Variants in ATXN1 observed in about 807,000 individuals in gnomAD.
ATXN1 encodes the protein ataxin-1.
Under a neutral mutation model 56.4 loss-of-function variants are expected in ATXN1, and 8 were observed. That is an observed-to-expected ratio of 0.14 (90% CI 0.08 to 0.26). The LOEUF is 0.26. ATXN1 is among the 10% of genes least tolerant of loss of function. The pLI, the probability that ATXN1 is intolerant of heterozygous loss-of-function variation, is 1.00. For missense variants in ATXN1, 987 were observed against 1,106.5 expected (o/e 0.89, Z 1.53); for synonymous variants, 514 against 494.6 (o/e 1.04, Z -0.52).
Position 16,508,648 on chromosome 6 carries a change from C to T in ATXN1, c.-299+13979G>A, listed in dbSNP as rs143813141. ...AACTGTTGGTGAGGACATAGAGAAA[C>T]TGGAACCCTTGTGCACTGTTGGTAG... On this transcript the variant is annotated intron_variant, in intron 5 of 7. Transcript: ENST00000436367. 4.6e-5 allele frequency among the ~76,000 whole-genome samples: 7 copies of T among 152,284 alleles called. 1 individual carries two copies. In the East Asian group the frequency reaches 1.3e-3, roughly 29 times the overall value.
chr6:16,410,075 C>T lies in ATXN1; in HGVS notation c.-161+75897G>A, dbSNP rs1758766930. Among the ~76,000 whole-genome samples, 4 of 152,304 alleles carry T rather than the reference C, an allele frequency of 2.6e-5. No individual in the cohort carries two copies. Among genetic ancestry groups the T allele is most frequent in the Admixed American group, 2.0e-4 (3 of 15,298 alleles). ...GCATGGAGAGCATGAGCTGAACGAC[C>T]GTCGTGATAGGCTTGGCAGAGGATG... On this transcript the variant is annotated intron_variant, in intron 6 of 7. Transcript: ENST00000436367. This position sits in a 1 kb window ranked among gnomAD's most constrained non-coding sequence, Gnocchi z 4.6.
At chr6:16,324,982 G>A (rs1029961601) in intron 7 of ATXN1, among the ~76,000 whole-genome samples, 22 of 152,120 alleles carry the variant, frequency 1.4e-4, no homozygotes, top group African/African-American at 5.3e-4. Context: ...CTAGAGGCCT[G>A]ACTTTTATAT....
At chr6:16,712,715 C>CTTTTTTTT (rs36016138) in intron 2 of ATXN1, among the ~76,000 whole-genome samples, 3 of 145,382 alleles carry the variant, frequency 2.1e-5, no homozygotes, top group African/African-American at 5.0e-5. Flanking sequence ...TCCGTTTTTG[C>CTTTTTTTT]TTTTTTTTTT....
chr6:16,535,687 T>C (rs1461845957), intron 4 of ATXN1, among the ~76,000 whole-genome samples: 1 of 152,234 alleles, frequency 6.6e-6, no homozygotes, highest in Non-Finnish European at 1.5e-5. Flanking sequence ...CCCTTAAGTG[T>C]GGGCTGTGCA....
In ATXN1 at chr6:16,328,816, A is replaced by C. The variant is rs1157180073; in HGVS notation, c.-160-346T>G. Reference sequence around the variant, plus strand: ...CTGGCACACGGCTGTAGTCCCAGCTACTTGAGAGGCTGAGGCAGGAGAATT... The same window carrying C: ...CTGGCACACGGCTGTAGTCCCAGCTCCTTGAGAGGCTGAGGCAGGAGAATT... On this transcript the variant is annotated intron_variant, in intron 6 of 7. Coordinates refer to ENST00000436367, the MANE Select transcript of ATXN1 (RefSeq NM_001128164.2). The surrounding 1 kb of genome is among the most constrained non-coding windows in gnomAD (Gnocchi z 6.2). Among the ~76,000 whole-genome samples, 1 of 152,138 alleles carries C rather than the reference A, an allele frequency of 6.6e-6. No homozygotes were observed. Among genetic ancestry groups the C allele is most frequent in the Non-Finnish European group, 1.5e-5 (1 of 68,026 alleles).
intron 3 of ATXN1, among the ~76,000 whole-genome samples, chr6:16,634,114 C>T (rs1482779911): frequency 6.6e-6 from 1 of 152,152 alleles, no homozygotes. Context: ...GCTTGAAATG[C>T]CCTTTTGTCT....
rs2113409243 is a variant in ATXN1 at position 16,326,801 on chromosome 6, C to T, written c.1510G>A (p.Ala504Thr). The T allele has an allele frequency of 1.2e-6, 2 of 1,608,302 alleles. No individual in the cohort carries two copies. Among genetic ancestry groups the T allele is most frequent in the Non-Finnish European group, 1.7e-6 (2 of 1,176,216 alleles). ...GATGACGTGACTATGGCCGGGGCTG[C>T]CCCCGACGCTTCCATGTCAGTGCTG... ...VGSTDMEASG[A>T]APAIVTSSPQ... The change falls in exon 7 of 8, where the codon GCA (alanine) becomes ACA (threonine). Residue 504 changes from alanine (A) to threonine (T), a missense_variant. By Grantham distance (58) the Ala-to-Thr change is moderately conservative. Coordinates refer to ENST00000436367, the MANE Select transcript of ATXN1 (RefSeq NM_001128164.2). This position sits in a 1 kb window ranked among gnomAD's most constrained non-coding sequence, Gnocchi z 6.6.
Position 16,328,459 on chromosome 6 carries a change from C to A in ATXN1, c.-149G>T. 7.8e-7 allele frequency: 1 copy of A among 1,284,838 alleles called. No individual in the cohort carries two copies. The highest frequency in any genetic ancestry group is 9.9e-7 in the Non-Finnish European group (1 of 1,008,912). 79.6% of individuals were successfully genotyped at this position (1,284,838 alleles called of 1,614,324 possible). A position where few individuals can be genotyped will look rare whatever the true frequency, so the allele number is the denominator to read the frequency against. On this transcript the variant is annotated 5_prime_UTR_variant, in exon 7 of 8. Coordinates refer to ENST00000436367, the MANE Select transcript of ATXN1 (RefSeq NM_001128164.2). This position sits in a 1 kb window ranked among gnomAD's most constrained non-coding sequence, Gnocchi z 6.2. ...CCCCGTGGGTACAATCCGCCAACAG[C>A]AGCTCTGGATGCTGGGAAAGGGAAG...
At position 16,360,938 on chromosome 6, in the gene ATXN1, G is replaced by T. The variant is rs1401507681; in HGVS notation, c.-160-32468C>A. 2.6e-5 allele frequency among the ~76,000 whole-genome samples: 4 copies of T among 152,188 alleles called. No homozygotes were observed. The East Asian group carries it at 7.7e-4, about 29-fold the overall frequency. On this transcript the variant is annotated intron_variant, in intron 6 of 7. Transcript: ENST00000436367. ...ATTTGTAAGGAATAACACAAGGTAA[G>T]ACGCCTGAAACTAGCAAGTGAGAAA... is the stretch of plus-strand genomic sequence containing the variant.
intron 6 of ATXN1, among the ~76,000 whole-genome samples, chr6:16,464,424 G>T (rs766789313): frequency 6.6e-6 from 1 of 152,126 alleles, no homozygotes; most frequent in Non-Finnish European, 1.5e-5. Flanking sequence ...GGCCACCACA[G>T]CCAGCAGCAG....
chr6:16,372,606 C>T (rs1762062650), intron 6 of ATXN1, among the ~76,000 whole-genome samples: 1 of 152,154 alleles, frequency 6.6e-6, no homozygotes, highest in South Asian at 2.1e-4. Context: ...GTATTTATAG[C>T]TCAGACACTT....
chr6:16,327,408 G>C lies in ATXN1; in HGVS notation c.903C>G (p.Val301=). Residue 301 remains valine, a synonymous_variant, in exon 7 of 8, where the codon GTC becomes GTG. Coordinates refer to ENST00000436367, the MANE Select transcript of ATXN1 (RefSeq NM_001128164.2). ...CAGCTTTCTTGGTGGCCTCCCGAGG[G>C]ACAAAGTGGCTGCCGGAGTCGGCGT... ...MQYADSGSHF[V]PREATKKAES... 6.2e-7 allele frequency: 1 copy of C among 1,613,758 alleles called. No individual in the cohort carries two copies. The highest frequency in any genetic ancestry group is 1.1e-5 in the South Asian group (1 of 91,084).
At chr6:16,610,878 A>C (rs6459475) in intron 3 of ATXN1, among the ~76,000 whole-genome samples, 149,294 of 149,394 alleles carry the variant, frequency 1, 74,598 homozygotes, top group Middle Eastern at 1. Flanking sequence ...AAAAAAAAAT[A>C]AAGTTAGCCA....
intron 2 of ATXN1, chr6:16,739,208 G>GTT (rs1760248601): frequency 7.5e-6 from 1 of 134,048 alleles, no homozygotes; most frequent in African/African-American, 2.8e-5. Context: ...TTTTTATTCT[G>GTT]TACCACCTTG....
chr6:16,747,495 A>G (rs1375557991), intron 2 of ATXN1, among the ~76,000 whole-genome samples: 1 of 152,192 alleles, frequency 6.6e-6, no homozygotes, highest in Non-Finnish European at 1.5e-5. Flanking sequence ...CCGGTTAGTC[A>G]TATGTCAGAG....
At chr6:16,756,343 T>C (rs1760886888) in intron 1 of ATXN1, among the ~76,000 whole-genome samples, 1 of 152,152 alleles carries the variant, frequency 6.6e-6, no homozygotes, top group Non-Finnish European at 1.5e-5. Flanking sequence ...AGTACATTTA[T>C]TTTATTAAAC....
chr6:16,327,494 G>A lies in ATXN1; in HGVS notation c.817C>T (p.His273Tyr), dbSNP rs1383439242. 1.2e-6 allele frequency: 2 copies of A among 1,613,118 alleles called. No individual in the cohort carries two copies. The highest frequency in any genetic ancestry group is 1.7e-6 in the Non-Finnish European group (2 of 1,179,892). The part of the protein sequence containing the change: ...PPAIPVHLHP[H>Y]QTMIPHTLTL... The stretch of plus-strand genomic sequence containing the variant: ...AGCGTGTGTGGGATCATCGTCTGGT[G>A]GGGGTGGAGGTGGACGGGGATGGCC... The change falls in exon 7 of 8, where the codon CAC becomes TAC. Residue 273 changes from histidine (H) to tyrosine (Y), a missense_variant. His to Tyr is a moderately conservative substitution (Grantham distance 83, BLOSUM62 2). Transcript: ENST00000436367.
intron 5 of ATXN1, among the ~76,000 whole-genome samples, chr6:16,512,110 C>T (rs1761093505): frequency 6.6e-6 from 1 of 152,174 alleles, no homozygotes; most frequent in Admixed American, 6.5e-5. Flanking sequence ...AAGGCCTCCC[C>T]GCCTCCATTC....
At chr6:16,752,919 T>C (rs181254332) in intron 2 of ATXN1, 191 of 238,568 alleles carry the variant, frequency 8.0e-4, no homozygotes, top group African/African-American at 4.1e-3. Flanking sequence ...TAGCATAGCA[T>C]TCTTAATTGT....
Sources: allele counts gnomAD v4.1 joint callset (sites outside exome capture counted in the v4.1 genomes callset), GRCh38; gene constraint gnomAD v4.1.1; non-coding constraint Gnocchi (gnomAD v3.1); transcripts MANE v1.5; gene names NCBI Gene and HGNC (gene_info 2026-07-23, HGNC 2026-07-21).